The following RNF144B variants were observed in gnomAD, a reference collection of about 807,000 sequenced individuals.
The protein encoded by RNF144B is ring finger protein 144B.
Under a neutral mutation model 40.2 loss-of-function variants are expected in RNF144B, and 25 were observed. The observed-to-expected ratio is 0.62, with a 90% CI of 0.45 to 0.87. The LOEUF (loss-of-function observed/expected upper bound fraction) is 0.87, where lower values mean the gene tolerates loss of function less well. Among genes scored for constraint, RNF144B ranks in the 40% least tolerant of loss-of-function variants. The pLI, the probability that RNF144B is intolerant of heterozygous loss-of-function variation, is 0.00. For missense variants in RNF144B, 365 were observed against 373.7 expected (o/e 0.98, Z 0.19); for synonymous variants, 145 against 136.3 (o/e 1.06, Z -0.44).
chr6:18,398,929 G>A lies in RNF144B; in HGVS notation c.-36-570G>A, dbSNP rs557886214. Among the ~76,000 whole-genome samples, 1 of 152,250 alleles carries A rather than the reference G, an allele frequency of 6.6e-6. No individual in the cohort carries two copies. Among genetic ancestry groups the A allele is most frequent in the African/African-American group, 2.4e-5 (1 of 41,526 alleles). On this transcript the variant is annotated intron_variant, in intron 1 of 7. Coordinates refer to ENST00000259939, the MANE Select transcript of RNF144B (RefSeq NM_182757.4). The surrounding 1 kb of genome is among the most constrained non-coding windows in gnomAD (Gnocchi z 5.0). ...TTGTAGTGATGCAACTCCTAAATAT[G>A]TTTGCTCATAGTGATATTTCCCGCC...
intron 1 of RNF144B, among the ~76,000 whole-genome samples, chr6:18,396,144 A>G (rs1327779753): frequency 6.6e-6 from 1 of 152,196 alleles, no homozygotes; most frequent in African/African-American, 2.4e-5. Flanking sequence ...CTTAGTTTTA[A>G]GGAGTAAAAA....
In RNF144B at chr6:18,457,218, T is replaced by G; in HGVS notation, c.395T>G (p.Val132Gly). The G allele has an allele frequency of 1.9e-6, 3 of 1,614,136 alleles. No individual in the cohort carries two copies. The highest frequency in any genetic ancestry group is 2.5e-6 in the Non-Finnish European group (3 of 1,180,000). The change falls in exon 5 of 8, where the codon GTT (valine) becomes GGT (glycine). Residue 132 changes from valine (V) to glycine (G), a missense_variant. Coordinates refer to ENST00000259939, the MANE Select transcript of RNF144B (RefSeq NM_182757.4). This position sits in a 1 kb window ranked among gnomAD's most constrained non-coding sequence, Gnocchi z 5.1. ...GCAGACTGTCAGACAGTGTGCCCTG[T>G]TGCCTCGAGTGACCCAGGACAGCCT... ...PVADCQTVCP[V>G]ASSDPGQPVL...
chr6:18,390,471 T>TGAG (rs1794557461), intron 1 of RNF144B, among the ~76,000 whole-genome samples: 1 of 152,262 alleles, frequency 6.6e-6, no homozygotes, highest in Non-Finnish European at 1.5e-5. Flanking sequence ...GAGGATCTTC[T>TGAG]CATCTATGAG....
chr6:18,453,359 G>A (rs553483), intron 4 of RNF144B, among the ~76,000 whole-genome samples: 32,738 of 151,586 alleles, frequency 0.22, 3,542 homozygotes, highest in East Asian at 0.26. Flanking sequence ...GGCTGATCTC[G>A]AACTCCTGCC....
Position 18,439,856 on chromosome 6 carries a change from G to A in RNF144B, c.331+112G>A, listed in dbSNP as rs138080335. 14 of 660,000 alleles carry A rather than the reference G, an allele frequency of 2.1e-5. 1 individual carries two copies. The Middle Eastern group carries it at 1.5e-3, about 70-fold the overall frequency. 40.9% of individuals were successfully genotyped at this position (660,000 alleles called of 1,614,324 possible). ...TATGGGCTGTCAACAAAGCCTCAAGGGTACTCTAAAAGGAGAATACTGTAA... is the reference window on the plus strand; with the variant it reads ...TATGGGCTGTCAACAAAGCCTCAAGAGTACTCTAAAAGGAGAATACTGTAA... On this transcript the variant is annotated intron_variant, in intron 4 of 7. Transcript: ENST00000259939.
At chr6:18,428,778 G>T (rs1415732309) in intron 3 of RNF144B, among the ~76,000 whole-genome samples, 1 of 152,154 alleles carries the variant, frequency 6.6e-6, no homozygotes, top group East Asian at 1.9e-4. Flanking sequence ...GTTGCTTTCA[G>T]ATAGGGAAAC....
At position 18,427,585 on chromosome 6, in the gene RNF144B, T is replaced by C; in HGVS notation, c.170T>C (p.Leu57Pro). ...ECQCIFCTACLKQYMQLAIRE... is the reference protein window; with the variant it reads ...ECQCIFCTACPKQYMQLAIRE... The stretch of plus-strand genomic sequence containing the variant: ...CTTTTTTTTCTTAACTTCCAGTGCC[T>C]GAAACAGTACATGCAGCTGGCAATC... The change falls in exon 3 of 8, where the codon CTG (leucine) becomes CCG (proline). Residue 57 changes from leucine (L) to proline (P), a missense_variant. Transcript: ENST00000259939. 1 of 1,612,054 alleles carries C rather than the reference T, an allele frequency of 6.2e-7. No individual in the cohort carries two copies. The highest frequency in any genetic ancestry group is 8.5e-7 in the Non-Finnish European group (1 of 1,178,410).
Position 18,447,241 on chromosome 6 carries a change from G to T in RNF144B, c.331+7497G>T, listed in dbSNP as rs1173937793. Among the ~76,000 whole-genome samples the T allele has an allele frequency of 1.3e-5, 2 of 152,072 alleles. No individual in the cohort carries two copies. Among genetic ancestry groups the T allele is most frequent in the Non-Finnish European group, 2.9e-5 (2 of 68,022 alleles). On this transcript the variant is annotated intron_variant, in intron 4 of 7. Coordinates refer to ENST00000259939, the MANE Select transcript of RNF144B (RefSeq NM_182757.4). The surrounding 1 kb of genome is among the most constrained non-coding windows in gnomAD (Gnocchi z 5.6). ...TGATTTGATGTGAGCAAGCCATATG[G>T]ATACTTACGGGAAGAACATCATTTC...
chr6:18,387,851 A>C (rs575978187), intron 1 of RNF144B, among the ~76,000 whole-genome samples: 1 of 152,338 alleles, frequency 6.6e-6, no homozygotes, highest in African/African-American at 2.4e-5. Flanking sequence ...TTTCATTTCT[A>C]ATAAAACAGT....
rs141597277 is a variant in RNF144B at position 18,458,822 on chromosome 6, C to T, written c.537-785C>T. On this transcript the variant is annotated intron_variant, in intron 5 of 7. Transcript: ENST00000259939. This position sits in a 1 kb window ranked among gnomAD's most constrained non-coding sequence, Gnocchi z 4.8. Reference sequence around the variant, plus strand: ...TATGTTTATTGGTTAAGCATCCTTACTCTGAATACCAGGAGTCAGAAAGGC... The same window carrying T: ...TATGTTTATTGGTTAAGCATCCTTATTCTGAATACCAGGAGTCAGAAAGGC... Among the ~76,000 whole-genome samples, 287 of 152,316 alleles carry T rather than the reference C, an allele frequency of 1.9e-3. No individual in the cohort carries two copies. The highest frequency in any genetic ancestry group is 5.8e-3 in the African/African-American group (243 of 41,566).
intron 6 of RNF144B, among the ~76,000 whole-genome samples, 179 bp from the exon 7 acceptor site, chr6:18,463,112 T>C (rs1336603448): frequency 6.6e-6 from 1 of 152,146 alleles, no homozygotes; most frequent in Non-Finnish European, 1.5e-5. Flanking sequence ...ATGATCTGCT[T>C]TCACTTTGGT....
rs1759356143 is a variant in RNF144B, at chr6:18,457,467, A to G, written c.536+108A>G. 1 of 848,814 alleles carries G rather than the reference A, an allele frequency of 1.2e-6. No individual in the cohort carries two copies. 52.6% of individuals were successfully genotyped at this position (848,814 alleles called of 1,614,324 possible). A position where few individuals can be genotyped will look rare whatever the true frequency, so the allele number is the denominator to read the frequency against. On this transcript the variant is annotated intron_variant, in intron 5 of 7. Transcript: ENST00000259939. The surrounding 1 kb of genome is among the most constrained non-coding windows in gnomAD (Gnocchi z 5.1). ...TTGTGATGGCGTTTAGAGATTGGTT[A>G]TTTTCCTGCAGAACTTCCCTGAGAA...
intron 6 of RNF144B, among the ~76,000 whole-genome samples, chr6:18,461,627 A>G (rs1156331008): frequency 6.6e-6 from 1 of 152,194 alleles, no homozygotes; most frequent in Admixed American, 6.5e-5. Flanking sequence ...GAAATGGTGC[A>G]GATGTTAAAT....
At chr6:18,452,649 T>G (rs574188195) in intron 4 of RNF144B, among the ~76,000 whole-genome samples, 1 of 151,906 alleles carries the variant, frequency 6.6e-6, no homozygotes, top group Non-Finnish European at 1.5e-5. Flanking sequence ...TGACCTTTTT[T>G]AAAAAAAAAT....
chr6:18,433,905 T>G (rs1758754217), intron 3 of RNF144B, among the ~76,000 whole-genome samples: 1 of 152,184 alleles, frequency 6.6e-6, no homozygotes, highest in Admixed American at 6.5e-5. Flanking sequence ...TTAATGTGAT[T>G]AGACATTGAT....
At position 18,400,587 on chromosome 6, in the gene RNF144B, T is replaced by C. The variant is rs1794785408; in HGVS notation, c.165+888T>C. 6.6e-6 allele frequency among the ~76,000 whole-genome samples: 1 copy of C among 152,170 alleles called. No homozygotes were observed. On this transcript the variant is annotated intron_variant, in intron 2 of 7. Coordinates refer to ENST00000259939, the MANE Select transcript of RNF144B (RefSeq NM_182757.4). This position sits in a 1 kb window ranked among gnomAD's most constrained non-coding sequence, Gnocchi z 5.6. ...CTGTGACCTTTACTGCCACTTTTCC[T>C]TGAAGGTTGGTCGGTTAAGGTATAA... is the stretch of plus-strand genomic sequence containing the variant.
chr6:18,387,868 A>G (rs1562036157), intron 1 of RNF144B, among the ~76,000 whole-genome samples: 1 of 152,192 alleles, frequency 6.6e-6, no homozygotes, highest in African/African-American at 2.4e-5. Flanking sequence ...CAGTTTCTAT[A>G]ATAGAATGTA....
intron 3 of RNF144B, among the ~76,000 whole-genome samples, chr6:18,431,412 A>G (rs2113504393): frequency 6.6e-6 from 1 of 152,276 alleles, no homozygotes; most frequent in Middle Eastern, 3.4e-3. Flanking sequence ...CTTTGAAAGT[A>G]AATACCACAC....
chr6:18,463,300 T>G lies in RNF144B; in HGVS notation c.691T>G (p.Phe231Val). The G allele has an allele frequency of 6.3e-7, 1 of 1,596,354 alleles. No homozygotes were observed. Among genetic ancestry groups the G allele is most frequent in the East Asian group, 2.2e-5 (1 of 44,816 alleles). The change falls in exon 7 of 8, where the codon TTC becomes GTC. Residue 231 changes from phenylalanine to valine, a missense_variant. By Grantham distance (50) the Phe-to-Val change is conservative. Transcript: ENST00000259939. The part of the protein sequence containing the change: ...YCLQNLDNDI[F>V]LRHYDKGPCR... ...TCTTTTTATTTTTCAGAATGACATT[T>G]TCCTCAGACATTATGACAAAGGGCC...
Sources: gnomAD v4.1 joint callset for allele counts (sites outside exome capture counted in the v4.1 genomes callset) on GRCh38, gnomAD v4.1.1 for gene constraint, Gnocchi (gnomAD v3.1) non-coding constraint, MANE v1.5 for transcripts, NCBI Gene and HGNC (gene_info 2026-07-23, HGNC 2026-07-21) for gene names.